The following SLCO3A1 variants were observed in gnomAD, a reference collection of about 807,000 sequenced individuals.
SLCO3A1 encodes the protein solute carrier organic anion transporter family member 3A1.
In SLCO3A1, 27 loss-of-function variants were observed where a neutral mutation model predicts 63.1. The ratio of observed to expected loss-of-function variants is 0.43; its 90% CI spans 0.32 to 0.59. The LOEUF (loss-of-function observed/expected upper bound fraction) is 0.59, where lower values mean the gene tolerates loss of function less well. Among genes scored for constraint, SLCO3A1 ranks in the 20% least tolerant of loss-of-function variants. SLCO3A1 has a pLI of 0.09. For missense variants in SLCO3A1, 773 were observed against 945.8 expected, an observed-to-expected ratio of 0.82 and a Z score of 2.40; for synonymous variants, 473 against 409.9, an observed-to-expected ratio of 1.15 and a Z score of -1.86.
rs188990996 is a variant in SLCO3A1 at position 91,924,151 on chromosome 15, C to T, written c.646+7693C>T. On this transcript the variant is annotated intron_variant, in intron 2 of 9. Transcript: ENST00000318445. ...GTTTTGAAACCCCCTTCCACATCTG[C>T]TCAGGGGTCACAATCTTAAGTGCTG... 2.6e-3 allele frequency among the ~76,000 whole-genome samples: 390 copies of T among 152,280 alleles called. 2 individuals are homozygous for T. The highest frequency in any genetic ancestry group is 8.8e-3 in the African/African-American group (365 of 41,570).
chr15:92,000,713 A>T (rs1455046591), intron 2 of SLCO3A1, among the ~76,000 whole-genome samples: 1 of 152,236 alleles, frequency 6.6e-6, no homozygotes, highest in African/African-American at 2.4e-5. Context: ...CACTTTTGAG[A>T]TGTACCCAGA....
At chr15:92,080,188 C>T (rs1432416708) in intron 2 of SLCO3A1, among the ~76,000 whole-genome samples, 2 of 152,150 alleles carry the variant, frequency 1.3e-5, no homozygotes, top group Non-Finnish European at 2.9e-5. Flanking sequence ...TGTGGGATAT[C>T]GTTATACAAA....
chr15:92,004,980 T>C (rs1422483672), intron 2 of SLCO3A1, among the ~76,000 whole-genome samples: 1 of 152,236 alleles, frequency 6.6e-6, no homozygotes, highest in Non-Finnish European at 1.5e-5. Context: ...TTAAAGCCTC[T>C]GAAACTCTCT....
chr15:91,876,090 A>G (rs568024363), intron 1 of SLCO3A1, among the ~76,000 whole-genome samples: 1 of 152,328 alleles, frequency 6.6e-6, no homozygotes, highest in South Asian at 2.1e-4. Flanking sequence ...AGATAGTTTG[A>G]ACCCAGGACT....
At position 92,066,178 on chromosome 15, in the gene SLCO3A1, A is replaced by G. The variant is rs1397322105; in HGVS notation, c.647-28703A>G. On this transcript the variant is annotated intron_variant, in intron 2 of 9. Coordinates refer to ENST00000318445, the MANE Select transcript of SLCO3A1 (RefSeq NM_013272.4). ...AACCTGCTGCATCCCTCTTGAAGGA[A>G]GGGGAAGAGAAGAGGCCAGGTCAAG... 2.0e-5 allele frequency among the ~76,000 whole-genome samples: 3 copies of G among 152,336 alleles called. No homozygotes were observed. The South Asian group carries it at 6.2e-4, about 32-fold the overall frequency.
chr15:91,853,736 G>C lies in SLCO3A1; in HGVS notation c.-173G>C. 1.7e-5 allele frequency: 9 copies of C among 515,910 alleles called. No individual in the cohort carries two copies. Among genetic ancestry groups the C allele is most frequent in the Non-Finnish European group, 2.3e-5 (9 of 390,894 alleles). The allele number at this position is 515,910 out of a possible 1,614,324, so 32.0% of individuals were successfully genotyped here. A position where few individuals can be genotyped will look rare whatever the true frequency, so the allele number is the denominator to read the frequency against. ...ATCGCGGCGGCGGCGGCGGCGGCGA[G>C]GAGCTGTGCCTTCCACCTCTCCAGC... On this transcript the variant is annotated 5_prime_UTR_variant, in exon 1 of 10. Coordinates refer to ENST00000318445, the MANE Select transcript of SLCO3A1 (RefSeq NM_013272.4).
At chr15:92,092,938 G>A (rs947191604) in intron 2 of SLCO3A1, among the ~76,000 whole-genome samples, 12 of 152,200 alleles carry the variant, frequency 7.9e-5, no homozygotes, top group African/African-American at 2.9e-4. Context: ...GCCATGGAGT[G>A]ACTATTTGGA....
chr15:92,012,825 C>G (rs531873368), intron 2 of SLCO3A1, among the ~76,000 whole-genome samples: 2 of 150,974 alleles, frequency 1.3e-5, no homozygotes, highest in African/African-American at 4.9e-5. Flanking sequence ...CTCAGAGCAT[C>G]CCCAAGGAGC....
chr15:92,108,558 A>C (rs987839814), intron 4 of SLCO3A1, among the ~76,000 whole-genome samples: 1 of 152,214 alleles, frequency 6.6e-6, no homozygotes, highest in Non-Finnish European at 1.5e-5. Context: ...TACGTACAGT[A>C]TCATCATCAG....
chr15:92,075,733 G>A (rs955667527), intron 2 of SLCO3A1, among the ~76,000 whole-genome samples: 1 of 152,228 alleles, frequency 6.6e-6, no homozygotes, highest in African/African-American at 2.4e-5. Context: ...TGGGATAGGA[G>A]TGACCCTTTG....
intron 2 of SLCO3A1, among the ~76,000 whole-genome samples, chr15:91,951,413 T>C (rs1899993749): frequency 2.0e-5 from 3 of 152,254 alleles, no homozygotes; most frequent in Admixed American, 2.0e-4. Context: ...TATGGCTTAA[T>C]AATAATTCAT....
chr15:91,874,271 C>G (rs960888797), intron 1 of SLCO3A1, among the ~76,000 whole-genome samples: 9 of 152,152 alleles, frequency 5.9e-5, no homozygotes, highest in African/African-American at 2.2e-4. Context: ...CCTCAGGTAA[C>G]TGAAAACTTG....
intron 2 of SLCO3A1, among the ~76,000 whole-genome samples, chr15:92,028,951 A>AGTGTGTGTG (rs2046612123): frequency 3.6e-5 from 1 of 27,398 alleles, no homozygotes; most frequent in Non-Finnish European, 6.5e-5. Flanking sequence ...GTGTACGTAC[A>AGTGTGTGTG]TGAGAAAACC....
chr15:92,029,225 TG>T (rs1567075495), intron 2 of SLCO3A1, among the ~76,000 whole-genome samples: 2 of 152,114 alleles, frequency 1.3e-5, no homozygotes, highest in South Asian at 4.1e-4. Context: ...TCTCTGACCC[TG>T]GGGGAAAAAA....
chr15:92,004,241 GGCTGTGCCACCTGCTA>G (rs914077075), intron 2 of SLCO3A1, among the ~76,000 whole-genome samples: 2 of 152,200 alleles, frequency 1.3e-5, no homozygotes, highest in African/African-American at 4.8e-5. Context: ...ACAGGTTCTA[GGCTGTGCCACCTGCTA>G]GCTGTGTGAT....
At chr15:91,915,856 G>C in intron 1 of SLCO3A1, 137 bp from the exon 2 acceptor site, 1 of 707,608 alleles carries the variant, frequency 1.4e-6, no homozygotes, top group Non-Finnish European at 2.5e-6. Context: ...TTACACAGCT[G>C]CCTTTTTGCA....
Position 92,164,496 on chromosome 15 carries a change from CT to C in SLCO3A1, c.*1365del. ...CATGCTTGACATTCCAAGAGGCGTT[CT>C]TTTCAGCCTGTGGAGGAGACACTCT... is the stretch of plus-strand genomic sequence containing the variant. On this transcript the variant is annotated 3_prime_UTR_variant, in exon 10 of 10. Transcript: ENST00000318445. 1 of 985,410 alleles carries C rather than the reference CT, an allele frequency of 1.0e-6. No homozygotes were observed. Among genetic ancestry groups the C allele is most frequent in the Non-Finnish European group, 1.2e-6 (1 of 829,936 alleles). 61.0% of individuals were successfully genotyped at this position (985,410 alleles called of 1,614,324 possible). A position where few individuals can be genotyped will look rare whatever the true frequency, so the allele number is the denominator to read the frequency against.
chr15:91,916,280 C>A lies in SLCO3A1; in HGVS notation c.468C>A (p.Gly156=), dbSNP rs764133973. The change falls in exon 2 of 10, where the codon GGC becomes GGA. Residue 156 remains glycine, a synonymous_variant. Transcript: ENST00000318445. The surrounding 1 kb of genome is among the most constrained non-coding windows in gnomAD (Gnocchi z 6.2). The part of the protein sequence containing the change: ...GRDVCAANGS[G]GDEGPDPDLI... ...ACGTCTGCGCAGCCAACGGCTCGGG[C>A]GGCGACGAGGGGCCCGACCCCGACC... The A allele has an allele frequency of 7.1e-6, 11 of 1,551,274 alleles. No individual in the cohort carries two copies. The highest frequency in any genetic ancestry group is 8.7e-6 in the Non-Finnish European group (10 of 1,150,878).
Position 92,028,908 on chromosome 15 carries a change from A to AGTGTGTGT in SLCO3A1, c.647-65944_647-65937dup, listed in dbSNP as rs61238614. Among the ~76,000 whole-genome samples, 454 of 120,130 alleles carry AGTGTGTGT rather than the reference A, an allele frequency of 3.8e-3. 13 individuals carry two copies. The highest frequency in any genetic ancestry group is 0.021 in the Middle Eastern group (5 of 242). The allele number at this position is 120,130 out of a possible 152,430, so 78.8% of individuals were successfully genotyped here. On this transcript the variant is annotated intron_variant, in intron 2 of 9. Coordinates refer to ENST00000318445, the MANE Select transcript of SLCO3A1 (RefSeq NM_013272.4). ...CGTTCTTGTTTCAGCTGCAGGCACA[A>AGTGTGTGT]GTGTGTGTGTGTGTGTGTGTGTGTG...
Sources: gnomAD v4.1 joint callset for allele counts (sites outside exome capture counted in the v4.1 genomes callset) on GRCh38, gnomAD v4.1.1 for gene constraint, Gnocchi (gnomAD v3.1) non-coding constraint, MANE v1.5 for transcripts, NCBI Gene and HGNC (gene_info 2026-07-23, HGNC 2026-07-21) for gene names.